ODAD2: variants seen among roughly 807,000 people sequenced by gnomAD.
The protein encoded by ODAD2 is outer dynein arm docking complex subunit 2.
A neutral mutation model predicts 106.8 loss-of-function variants in ODAD2; 89 were observed. The observed-to-expected ratio is 0.83, with a 90% confidence interval of 0.70 to 0.99. The LOEUF (loss-of-function observed/expected upper bound fraction) is 0.99. Among genes scored for constraint, ODAD2 ranks in the 50% least tolerant of loss-of-function variants. The probability of loss-of-function intolerance (pLI) is 0.00; values close to 1 mark genes in which losing one functional copy is unlikely to be tolerated. For missense variants in ODAD2, 1,168 were observed against 1,238.5 expected (o/e 0.94, Z 0.85); for synonymous variants, 404 against 436.2 (o/e 0.93, Z 0.92).
intron 10 of ODAD2, among the ~76,000 whole-genome samples, chr10:27,947,788 A>C (rs1247076335): frequency 6.6e-6 from 1 of 152,190 alleles, no homozygotes; most frequent in Non-Finnish European, 1.5e-5. Context: ...TACCTTGTTT[A>C]AGCCAAGAGC....
chr10:27,824,627 T>C (rs545164835), intron 19 of ODAD2, among the ~76,000 whole-genome samples: 3 of 152,320 alleles, frequency 2.0e-5, no homozygotes, highest in African/African-American at 7.2e-5. Flanking sequence ...AGACATGAAT[T>C]AAATTATCTA....
intron 12 of ODAD2, among the ~76,000 whole-genome samples, chr10:27,941,596 G>GTTTTTTTTTTT (rs371752746): frequency 8.7e-6 from 1 of 114,934 alleles, no homozygotes; most frequent in Admixed American, 1.0e-4. Context: ...CCAGCATCCA[G>GTTTTTTTTTTT]TTTTTTTTTT....
intron 15 of ODAD2, among the ~76,000 whole-genome samples, chr10:27,935,702 T>TTA (rs1554814277): frequency 6.1e-4 from 89 of 146,452 alleles, no homozygotes; most frequent in African/African-American, 2.0e-3. Context: ...GCTACTTGGA[T>TTA]AAAAAAAAAA....
At position 27,907,668 on chromosome 10, in the gene ODAD2, C is replaced by T. The variant is rs983501289; in HGVS notation, c.2605G>A (p.Ala869Thr). The change falls in exon 17 of 20, where the codon GCA becomes ACA. Residue 869 changes from alanine (A) to threonine (T), a missense_variant. By Grantham distance (58) the Ala-to-Thr change is moderately conservative (BLOSUM62 0). Around this residue, in one of 3 missense-constraint regions of ODAD2, gnomAD observed 701 missense variants for 712.3 expected, o/e 0.98. Coordinates refer to ENST00000305242, the MANE Select transcript of ODAD2 (RefSeq NM_018076.5). Reference sequence around the variant, plus strand: ...GACTTGCAGTCCGTTCTTACCTTTGCATTTTTGATGCATGGACAGAGTGCC... The same window carrying T: ...GACTTGCAGTCCGTTCTTACCTTTGTATTTTTGATGCATGGACAGAGTGCC... The part of the protein sequence containing the change: ...AWALCPCIKN[A>T]KDAGEMVRSF... The T allele has an allele frequency of 2.5e-6, 4 of 1,612,272 alleles. No homozygotes were observed. The African/African-American group carries it at 4.0e-5, about 16-fold the overall frequency.
intron 1 of ODAD2, among the ~76,000 whole-genome samples, chr10:27,997,952 G>A (rs1185329819): frequency 6.6e-6 from 1 of 152,122 alleles, no homozygotes; most frequent in South Asian, 2.1e-4. Context: ...CATAAACTGG[G>A]ATGTTTACAT....
intron 6 of ODAD2, among the ~76,000 whole-genome samples, chr10:27,983,148 T>C (rs1588659822): frequency 6.6e-6 from 1 of 152,080 alleles, no homozygotes; most frequent in African/African-American, 2.4e-5. Context: ...AGTTTCCAGG[T>C]TTGTTGATTT....
intron 10 of ODAD2, among the ~76,000 whole-genome samples, chr10:27,953,563 T>C (rs4494226): frequency 0.54 from 81,376 of 151,974 alleles, 21,965 homozygotes; most frequent in Middle Eastern, 0.65. Context: ...AATAAGGCAA[T>C]TGTTCAATAA....
At chr10:27,925,560 G>A (rs1229626737) in intron 16 of ODAD2, among the ~76,000 whole-genome samples, 1 of 152,034 alleles carries the variant, frequency 6.6e-6, no homozygotes, top group African/African-American at 2.4e-5. Flanking sequence ...GCCTCATTAC[G>A]TTTTCCAGGC....
chr10:27,936,659 A>G (rs1330597829), intron 15 of ODAD2, 67 bp downstream of exon 15: 2 of 1,557,018 alleles, frequency 1.3e-6, no homozygotes, highest in African/African-American at 2.7e-5. Context: ...CTAGAATGGC[A>G]TTAAATGACA....
chr10:27,853,586 C>A (rs927030477), intron 19 of ODAD2, among the ~76,000 whole-genome samples: 5 of 151,968 alleles, frequency 3.3e-5, no homozygotes, highest in Admixed American at 6.6e-5. Context: ...ATAAAGATGA[C>A]CATTTTATAA....
At chr10:27,955,650 C>A (rs1416848975) in intron 10 of ODAD2, among the ~76,000 whole-genome samples, 5 of 151,684 alleles carry the variant, frequency 3.3e-5, no homozygotes, top group African/African-American at 9.7e-5. Context: ...AACAAAAACT[C>A]ATACAACTTC....
intron 17 of ODAD2, 114 bp from the exon 18 acceptor site, chr10:27,862,736 A>T: frequency 6.7e-6 from 4 of 595,226 alleles, no homozygotes; most frequent in Non-Finnish European, 1.1e-5. Flanking sequence ...ATGAAAGACT[A>T]CTTCAACTTA....
intron 7 of ODAD2, among the ~76,000 whole-genome samples, chr10:27,978,311 AAAAC>A (rs1281615014): frequency 5.9e-5 from 9 of 152,386 alleles, no homozygotes; most frequent in South Asian, 2.1e-4. Context: ...GGAAAAAGCC[AAAAC>A]AAACAGTTTA....
intron 19 of ODAD2, among the ~76,000 whole-genome samples, chr10:27,855,043 T>C (rs1839564435): frequency 6.6e-6 from 1 of 152,130 alleles, no homozygotes; most frequent in African/African-American, 2.4e-5. Context: ...TATGTAAGGG[T>C]ACCAGGAAAC....
intron 10 of ODAD2, among the ~76,000 whole-genome samples, chr10:27,959,225 A>G (rs1423174954): frequency 5.4e-5 from 1 of 18,680 alleles, no homozygotes; most frequent in Non-Finnish European, 9.0e-5. Flanking sequence ...AGGGGAGGGG[A>G]GGGGAGGCGA....
intron 19 of ODAD2, among the ~76,000 whole-genome samples, chr10:27,855,934 C>T (rs1372644735): frequency 6.6e-6 from 1 of 152,180 alleles, no homozygotes; most frequent in East Asian, 1.9e-4. Flanking sequence ...TCCAATGACA[C>T]CATGGGGAAA....
At chr10:27,863,437 G>A (rs766494093) in intron 17 of ODAD2, among the ~76,000 whole-genome samples, 12 of 152,128 alleles carry the variant, frequency 7.9e-5, no homozygotes, top group East Asian at 1.9e-4. Flanking sequence ...TGCATTGGAC[G>A]ACTCAAATTT....
chr10:27,991,405 G>T (rs1324979171), intron 2 of ODAD2, among the ~76,000 whole-genome samples: 1 of 152,138 alleles, frequency 6.6e-6, no homozygotes, highest in Non-Finnish European at 1.5e-5. Context: ...TGCACAAAAG[G>T]ACAGAAGGCA....
chr10:27,920,279 T>C (rs563094634), intron 16 of ODAD2, among the ~76,000 whole-genome samples: 7 of 152,298 alleles, frequency 4.6e-5, no homozygotes, highest in African/African-American at 1.7e-4. Flanking sequence ...CCCTTATGTA[T>C]AGTTTACAAA....
Sources: gnomAD v4.1 joint callset for allele counts (sites outside exome capture counted in the v4.1 genomes callset) on GRCh38, gnomAD v4.1.1 for gene constraint, gnomAD v4.1.1 regional missense constraint, MANE v1.5 for transcripts, NCBI Gene and HGNC (gene_info 2026-07-23, HGNC 2026-07-21) for gene names.